ERMARD: variants seen among roughly 807,000 people sequenced by gnomAD.
ERMARD encodes the protein endoplasmic reticulum membrane-associated RNA degradation protein.
Under a neutral mutation model 83.9 loss-of-function variants are expected in ERMARD, and 71 were observed. The ratio of observed to expected loss-of-function variants is 0.85; its 90% CI spans 0.70 to 1.03. ERMARD has a LOEUF of 1.03. Among genes scored for constraint, ERMARD ranks in the 50% least tolerant of loss-of-function variants. The pLI is 0.00. For missense variants in ERMARD, 838 were observed against 810.9 expected (o/e 1.03, Z -0.41); for synonymous variants, 284 against 298.6 (o/e 0.95, Z 0.50).
intron 11 of ERMARD, 53 bp downstream of exon 11, chr6:169,768,224 A>C: frequency 6.7e-7 from 1 of 1,485,126 alleles, no homozygotes. Flanking sequence ...GGATGTCGTC[A>C]GCACTTCTCT....
intron 17 of ERMARD, among the ~76,000 whole-genome samples, chr6:169,779,983 AG>A (rs1189675275): frequency 6.6e-6 from 1 of 152,230 alleles, no homozygotes; most frequent in Non-Finnish European, 1.5e-5. Flanking sequence ...CTCGGCTGCT[AG>A]GAAGTTCTGG....
At position 169,765,202 on chromosome 6, in the gene ERMARD, G is replaced by A. The variant is rs1052702807; in HGVS notation, c.961-1436G>A. On this transcript the variant is annotated intron_variant, in intron 9 of 17. Coordinates refer to ENST00000366773, the MANE Select transcript of ERMARD (RefSeq NM_018341.3). ...TGCAAATAAATTTGGATATTTACTTGTCATTTGACTTCATAAATAAATAAC... is the reference window on the plus strand; with the variant it reads ...TGCAAATAAATTTGGATATTTACTTATCATTTGACTTCATAAATAAATAAC... Among the ~76,000 whole-genome samples the A allele has an allele frequency of 2.6e-5, 4 of 152,346 alleles. No individual in the cohort carries two copies. The East Asian group carries it at 7.7e-4, about 29-fold the overall frequency.
rs1389976559 is a variant in ERMARD, at chr6:169,759,074, C to T, written c.605+9C>T. 6 of 1,605,742 alleles carry T rather than the reference C, an allele frequency of 3.7e-6. No individual in the cohort carries two copies. In the Admixed American group the frequency reaches 8.5e-5, roughly 23 times the overall value. On this transcript the variant is annotated intron_variant, in intron 6 of 17. Coordinates refer to ENST00000366773, the MANE Select transcript of ERMARD (RefSeq NM_018341.3). The stretch of plus-strand genomic sequence containing the variant: ...GAAGAAATTCCTCCAAAGTAAGTTG[C>T]AAGTGAAGACATTTTCTTCCTTTTT...
chr6:169,758,458 A>T (rs1386043344), intron 5 of ERMARD, among the ~76,000 whole-genome samples: 1 of 152,214 alleles, frequency 6.6e-6, no homozygotes, highest in Admixed American at 6.5e-5. Flanking sequence ...GACAGCTAGG[A>T]AGTGGAGGCT....
intron 11 of ERMARD, among the ~76,000 whole-genome samples, chr6:169,768,810 G>A (rs1792533462): frequency 6.6e-6 from 1 of 152,140 alleles, no homozygotes. Flanking sequence ...ATTGAGTATT[G>A]GATGAAAAGA....
At chr6:169,764,979 G>A (rs901858959) in intron 9 of ERMARD, among the ~76,000 whole-genome samples, 3 of 152,226 alleles carry the variant, frequency 2.0e-5, no homozygotes, top group African/African-American at 4.8e-5. Context: ...AGAGGTCTCT[G>A]CGGGTTCTCT....
rs559480241 is a variant in ERMARD at position 169,759,820 on chromosome 6, C to G, written c.606-18C>G. The G allele has an allele frequency of 2.5e-6, 4 of 1,597,930 alleles. No individual in the cohort carries two copies. Among genetic ancestry groups the G allele is most frequent in the East Asian group, 2.2e-5 (1 of 44,688 alleles). ...GATTGAGTACATTTTTGTAACAGAT[C>G]TCTATGGTATTTCCTAGATACTGTT... On this transcript the variant is annotated intron_variant, in intron 6 of 17. Transcript: ENST00000366773.
intron 17 of ERMARD, 102 bp downstream of exon 17, chr6:169,779,397 C>T: frequency 1.0e-6 from 1 of 988,598 alleles, no homozygotes; most frequent in Non-Finnish European, 1.6e-6. Context: ...ACACTATCCC[C>T]TTGGTGGCCC....
At chr6:169,753,779 A>G in intron 1 of ERMARD, 85 bp from the exon 2 acceptor site, 2 of 1,044,170 alleles carry the variant, frequency 1.9e-6, no homozygotes, top group Non-Finnish European at 1.3e-6. Flanking sequence ...GAGTGCATTC[A>G]GTTCTTAAGA....
At chr6:169,771,530 CAAAT>C (rs756997719) in intron 12 of ERMARD, 2 of 152,074 alleles carry the variant, frequency 1.3e-5, no homozygotes, top group Non-Finnish European at 2.9e-5. Context: ...ACCCAAAAAA[CAAAT>C]AAGAATGAGG....
intron 6 of ERMARD, among the ~76,000 whole-genome samples, chr6:169,759,314 G>T (rs964224374): frequency 2.0e-5 from 3 of 152,106 alleles, no homozygotes; most frequent in African/African-American, 7.2e-5. Context: ...TCACGTCCTG[G>T]GTGGGTGGGA....
chr6:169,758,943 A>T (rs1329795439), intron 5 of ERMARD, 25 bp from the exon 6 acceptor site: 1 of 1,578,986 alleles, frequency 6.3e-7, no homozygotes, highest in Admixed American at 1.7e-5. Context: ...CAGTATAATT[A>T]ACTATGTAAT....
At position 169,768,175 on chromosome 6, in the gene ERMARD, A is replaced by T; in HGVS notation, c.1059+4A>T. The T allele has an allele frequency of 6.2e-7, 1 of 1,612,254 alleles. No homozygotes were observed. Among genetic ancestry groups the T allele is most frequent in the East Asian group, 2.2e-5 (1 of 44,852 alleles). On this transcript the variant is annotated splice_donor_region_variant and intron_variant, in intron 11 of 17. Coordinates refer to ENST00000366773, the MANE Select transcript of ERMARD (RefSeq NM_018341.3). ...TTTCCTTGGAGAGCCTGCTATGGTA[A>T]GTATTAGGTATTTTCCAGGCTAATA...
At chr6:169,764,030 G>A (rs1791882877) in intron 9 of ERMARD, among the ~76,000 whole-genome samples, 1 of 152,164 alleles carries the variant, frequency 6.6e-6, no homozygotes, top group African/African-American at 2.4e-5. Context: ...TGTCATCTCA[G>A]CCTCACCAGC....
intron 17 of ERMARD, among the ~76,000 whole-genome samples, chr6:169,779,699 C>T (rs1207910958): frequency 1.3e-5 from 2 of 152,154 alleles, no homozygotes; most frequent in East Asian, 3.9e-4. Context: ...CACTATGTTG[C>T]CCTTCAGTGA....
At chr6:169,780,414 A>C (rs2128370355) in intron 17 of ERMARD, among the ~76,000 whole-genome samples, 1 of 152,334 alleles carries the variant, frequency 6.6e-6, no homozygotes, top group African/African-American at 2.4e-5. Context: ...CTTCTCTTTA[A>C]GTTTGAATAT....
In ERMARD at chr6:169,751,907, C is replaced by T. The variant is rs776224487; in HGVS notation, c.6+244C>T. ...GGGCCAGGCTCGGTTTCTCCGTCGC[C>T]TCCTGGCCCTGAGCTGGAACGCGGC... On this transcript the variant is annotated intron_variant, in intron 1 of 17. Coordinates refer to ENST00000366773, the MANE Select transcript of ERMARD (RefSeq NM_018341.3). 105 of 535,284 alleles carry T rather than the reference C, an allele frequency of 2.0e-4. 1 individual carries two copies. In the South Asian group the frequency reaches 2.1e-3, roughly 11 times the overall value. The allele number at this position is 535,284 out of a possible 1,614,324, so 33.2% of individuals were successfully genotyped here.
chr6:169,766,718 C>G, intron 10 of ERMARD, 51 bp downstream of exon 10: 1 of 1,515,194 alleles, frequency 6.6e-7, no homozygotes, highest in Admixed American at 2.5e-5. Context: ...ACGCTGTCTT[C>G]TTTTAAAATA....
intron 9 of ERMARD, among the ~76,000 whole-genome samples, chr6:169,765,544 A>G (rs1792090667): frequency 6.6e-6 from 1 of 152,212 alleles, no homozygotes; most frequent in African/African-American, 2.4e-5. Flanking sequence ...GATGTAGGTA[A>G]ATGAAAAATT....
Sources: gnomAD v4.1 joint callset for allele counts (sites outside exome capture counted in the v4.1 genomes callset) on GRCh38, gnomAD v4.1.1 for gene constraint, MANE v1.5 for transcripts, NCBI Gene and HGNC (gene_info 2026-07-23, HGNC 2026-07-21) for gene names.